Variants in CEP57L1 observed in about 807,000 individuals in gnomAD.
CEP57L1 encodes centrosomal protein 57 like 1.
In CEP57L1, 37 loss-of-function variants were observed where a neutral mutation model predicts 61.0. The ratio of observed to expected loss-of-function variants is 0.61; its 90% CI spans 0.47 to 0.80. CEP57L1 has a LOEUF of 0.80. CEP57L1 is among the 30% of genes least tolerant of loss of function. The pLI is 0.00. For synonymous variants in CEP57L1, 137 were observed against 162.3 expected, an observed-to-expected ratio of 0.84 and a Z score of 1.19; for missense variants, 422 against 524.7, an observed-to-expected ratio of 0.80 and a Z score of 1.91.
In CEP57L1 at chr6:109,174,289, T is replaced by C. The variant is rs1199121824; in HGVS notation, c.*11319T>C. Among the ~76,000 whole-genome samples, 1 of 152,190 alleles carries C rather than the reference T, an allele frequency of 6.6e-6. No homozygotes were observed. Among genetic ancestry groups the C allele is most frequent in the African/African-American group, 2.4e-5 (1 of 41,464 alleles). On this transcript the variant is annotated 3_prime_UTR_variant, in exon 11 of 11. Coordinates refer to ENST00000517392, the MANE Select transcript of CEP57L1 (RefSeq NM_001271852.3). The stretch of plus-strand genomic sequence containing the variant: ...AGAGGTCATAATGTTCCAGACAAGC[T>C]GGCAGCAATCATTCCCATCCCATCA...
chr6:109,138,584 C>A (rs758925467), intron 1 of CEP57L1, among the ~76,000 whole-genome samples: 8 of 152,140 alleles, frequency 5.3e-5, no homozygotes, highest in Non-Finnish European at 8.8e-5. Flanking sequence ...ATATCCTGTT[C>A]AATTGCTTTC....
At chr6:109,108,569 A>G (rs1358373094) in intron 1 of CEP57L1, among the ~76,000 whole-genome samples, 4 of 152,042 alleles carry the variant, frequency 2.6e-5, no homozygotes, top group African/African-American at 9.7e-5. Context: ...CCTCTGTTCA[A>G]AAAGGGGTAG....
At chr6:109,140,562 G>A in intron 1 of CEP57L1, 1 of 151,476 alleles carries the variant, frequency 6.6e-6, no homozygotes. Flanking sequence ...ACCATGCCTG[G>A]CTAATTTTTG....
At chr6:109,133,433 G>A (rs1774429247) in intron 1 of CEP57L1, among the ~76,000 whole-genome samples, 1 of 152,120 alleles carries the variant, frequency 6.6e-6, no homozygotes, top group Admixed American at 6.6e-5. Flanking sequence ...GGTAATGCTC[G>A]CTGACCTTCA....
intron 1 of CEP57L1, among the ~76,000 whole-genome samples, chr6:109,108,639 G>T (rs1016645657): frequency 6.6e-6 from 1 of 152,164 alleles, no homozygotes; most frequent in South Asian, 2.1e-4. Flanking sequence ...TAGAAAATAC[G>T]AGAGACAAAT....
At chr6:109,146,978 A>G (rs767615264) in intron 3 of CEP57L1, 41 bp downstream of exon 3, 52 of 1,512,676 alleles carry the variant, frequency 3.4e-5, no homozygotes, top group Non-Finnish European at 4.7e-5. Flanking sequence ...GGGTTACTGG[A>G]GTTTACAGTT....
chr6:109,157,353 T>A (rs1233019760), intron 7 of CEP57L1: 1 of 152,128 alleles, frequency 6.6e-6, no homozygotes, highest in Non-Finnish European at 1.5e-5. Flanking sequence ...AACTCTTACA[T>A]CTTGATGTAC....
chr6:109,147,640 G>A (rs1772113608), intron 3 of CEP57L1, among the ~76,000 whole-genome samples: 1 of 152,176 alleles, frequency 6.6e-6, no homozygotes, highest in Admixed American at 6.6e-5. Context: ...AAGGGGTGAG[G>A]AAAGTAAAGA....
At chr6:109,119,879 A>G (rs1191132389) in intron 1 of CEP57L1, among the ~76,000 whole-genome samples, 1 of 152,228 alleles carries the variant, frequency 6.6e-6, no homozygotes, top group Non-Finnish European at 1.5e-5. Context: ...TACAATGTTA[A>G]GAAACACTGG....
chr6:109,120,148 G>A lies in CEP57L1; in HGVS notation c.-4+24573G>A, dbSNP rs533799343. ...TTCCCATTTTATAGATAGGAGGAACGTTTAAGAAACCTACTGCAGATCACA... is the reference window on the plus strand; with the variant it reads ...TTCCCATTTTATAGATAGGAGGAACATTTAAGAAACCTACTGCAGATCACA... On this transcript the variant is annotated intron_variant, in intron 1 of 10. Coordinates refer to ENST00000517392, the MANE Select transcript of CEP57L1 (RefSeq NM_001271852.3). Among the ~76,000 whole-genome samples, 42 of 152,254 alleles carry A rather than the reference G, an allele frequency of 2.8e-4. No homozygotes were observed. In the South Asian group the frequency reaches 7.5e-3, roughly 27 times the overall value.
intron 1 of CEP57L1, among the ~76,000 whole-genome samples, chr6:109,097,294 A>G (rs1247057813): frequency 2.0e-5 from 3 of 152,320 alleles, no homozygotes; most frequent in African/African-American, 4.8e-5. Context: ...ATTATTCACA[A>G]TGACCCTCCT....
intron 4 of CEP57L1, among the ~76,000 whole-genome samples, chr6:109,152,745 G>C (rs755142272): frequency 2.8e-4 from 42 of 152,038 alleles, no homozygotes; most frequent in Admixed American, 5.9e-4. Flanking sequence ...CTATGTTAGA[G>C]AGAGGGTAAG....
intron 1 of CEP57L1, among the ~76,000 whole-genome samples, chr6:109,114,121 A>G (rs1772001119): frequency 1.3e-5 from 2 of 151,924 alleles, no homozygotes; most frequent in Non-Finnish European, 2.9e-5. Context: ...TCATTTTCTG[A>G]GGAACCTCCA....
At chr6:109,105,165 T>G (rs1236097295) in intron 1 of CEP57L1, among the ~76,000 whole-genome samples, 1 of 151,968 alleles carries the variant, frequency 6.6e-6, no homozygotes, top group African/African-American at 2.4e-5. Context: ...ATCAATGATG[T>G]TTTTTGTTAT....
At chr6:109,158,909 T>G in intron 7 of CEP57L1, 116 bp from the exon 8 acceptor site, 1 of 957,632 alleles carries the variant, frequency 1.0e-6, no homozygotes, top group South Asian at 1.6e-5. Context: ...TTTCTGTCCA[T>G]GTCTTTTGCC....
chr6:109,115,805 A>G (rs941762211), intron 1 of CEP57L1, among the ~76,000 whole-genome samples: 1 of 152,172 alleles, frequency 6.6e-6, no homozygotes, highest in Non-Finnish European at 1.5e-5. Context: ...TTAAAAAGTG[A>G]CTGTAGTAAT....
chr6:109,115,827 T>C (rs1322369802), intron 1 of CEP57L1, among the ~76,000 whole-genome samples: 1 of 152,184 alleles, frequency 6.6e-6, no homozygotes, highest in African/African-American at 2.4e-5. Flanking sequence ...GTAATAGCAT[T>C]CTTTAAGGTT....
At chr6:109,139,178 T>C (rs1771070277) in intron 1 of CEP57L1, among the ~76,000 whole-genome samples, 1 of 152,118 alleles carries the variant, frequency 6.6e-6, no homozygotes, top group South Asian at 2.1e-4. Context: ...GCGTCTACAG[T>C]GTGGAAATGC....
rs1774241097 is a variant in CEP57L1 at position 109,168,550 on chromosome 6, C to T, written c.*5580C>T. ...GTTTTTCATAGTACATACAGTCATA[C>T]CGGTGGATTGTCAAATCAATTTAGC... On this transcript the variant is annotated 3_prime_UTR_variant, in exon 11 of 11. Transcript: ENST00000517392. 6.6e-6 allele frequency among the ~76,000 whole-genome samples: 1 copy of T among 151,284 alleles called. No individual in the cohort carries two copies. Among genetic ancestry groups the T allele is most frequent in the African/African-American group, 2.4e-5 (1 of 41,130 alleles).
Sources: allele counts gnomAD v4.1 joint callset (sites outside exome capture counted in the v4.1 genomes callset), GRCh38; gene constraint gnomAD v4.1.1; transcripts MANE v1.5; gene names NCBI Gene and HGNC (gene_info 2026-07-23, HGNC 2026-07-21).